The following OPCML variants were observed in gnomAD, a reference collection of about 807,000 sequenced individuals.
The protein encoded by OPCML is opioid-binding protein/cell adhesion molecule.
OPCML carries 13 observed loss-of-function variants against 37.8 expected under a neutral mutation model. The ratio of observed to expected loss-of-function variants is 0.34; its 90% confidence interval spans 0.22 to 0.55. The LOEUF (loss-of-function observed/expected upper bound fraction) is 0.55. Ranked by LOEUF, OPCML falls within the 20% of genes least tolerant of loss-of-function variation. OPCML has a pLI of 0.91. For synonymous variants in OPCML, 176 were observed against 168.8 expected (o/e 1.04, Z -0.33); for missense variants, 341 against 435.6 (o/e 0.78, Z 1.93).
At chr11:133,024,187 G>A (rs1251335719) in intron 1 of OPCML, among the ~76,000 whole-genome samples, 1 of 152,176 alleles carries the variant, frequency 6.6e-6, no homozygotes, top group African/African-American at 2.4e-5. Context: ...CTGTTTTCCT[G>A]GAGACAGCGA....
At chr11:133,438,416 C>T (rs926821603) in intron 1 of OPCML, among the ~76,000 whole-genome samples, 2 of 151,986 alleles carry the variant, frequency 1.3e-5, no homozygotes, top group South Asian at 2.1e-4. Context: ...AACAAGCAAA[C>T]AAAACCAGTA....
intron 2 of OPCML, among the ~76,000 whole-genome samples, chr11:132,779,534 T>A (rs1212678995): frequency 6.9e-6 from 1 of 145,524 alleles, no homozygotes; most frequent in Non-Finnish European, 1.5e-5. Flanking sequence ...TTTCAAGTTG[T>A]GAGTGATGAT....
chr11:132,434,380 G>A (rs2096006633), intron 7 of OPCML, among the ~76,000 whole-genome samples: 1 of 152,200 alleles, frequency 6.6e-6, no homozygotes, highest in Non-Finnish European at 1.5e-5. Flanking sequence ...AAGCAGAGCT[G>A]AGCAGCAGCT....
chr11:132,430,768 C>A (rs540318202), intron 7 of OPCML, among the ~76,000 whole-genome samples: 1 of 152,162 alleles, frequency 6.6e-6, no homozygotes, highest in Non-Finnish European at 1.5e-5. Flanking sequence ...TCCGTCTTGG[C>A]TTTGTTTGCG....
At chr11:133,140,528 TAATAAGAAGAAG>T (rs1330047108) in intron 1 of OPCML, among the ~76,000 whole-genome samples, 8 of 61,278 alleles carry the variant, frequency 1.3e-4, no homozygotes, top group Admixed American at 4.1e-4. Context: ...ATAATAATAA[TAATAAGAAGAAG>T]AAGAAGAAGA....
At chr11:133,065,493 T>C (rs10894646) in intron 1 of OPCML, 104,725 of 152,090 alleles carry the variant, frequency 0.69, 36,577 homozygotes, top group Admixed American at 0.81. Flanking sequence ...AACAAGCCGT[T>C]GTTACACGAT....
intron 1 of OPCML, among the ~76,000 whole-genome samples, chr11:133,291,970 G>A (rs535846934): frequency 2.6e-5 from 4 of 152,230 alleles, no homozygotes; most frequent in Admixed American, 2.6e-4. Context: ...GATTACACAA[G>A]AGAATGGCCT....
intron 1 of OPCML, among the ~76,000 whole-genome samples, chr11:133,222,889 A>T (rs1048475216): frequency 6.6e-6 from 1 of 152,160 alleles, no homozygotes; most frequent in Non-Finnish European, 1.5e-5. Context: ...ACGAAAGAGC[A>T]GGCTGGGAAG....
chr11:133,476,219 G>T (rs1160106430), intron 1 of OPCML, among the ~76,000 whole-genome samples: 1 of 152,164 alleles, frequency 6.6e-6, no homozygotes, highest in Non-Finnish European at 1.5e-5. Flanking sequence ...CTACTCCCTT[G>T]ATGGAACTAT....
chr11:133,237,472 G>A (rs1160563961), intron 1 of OPCML, among the ~76,000 whole-genome samples: 2 of 152,190 alleles, frequency 1.3e-5, no homozygotes, highest in African/African-American at 4.8e-5. Context: ...TGTGAGTTGA[G>A]GGAGGGAAAC....
chr11:133,153,055 A>C (rs1297280786), intron 1 of OPCML, among the ~76,000 whole-genome samples: 1 of 152,024 alleles, frequency 6.6e-6, no homozygotes, highest in Non-Finnish European at 1.5e-5. Flanking sequence ...TGGACCCTGG[A>C]AGGGGCACCG....
intron 2 of OPCML, among the ~76,000 whole-genome samples, chr11:132,938,183 T>C (rs1417302682): frequency 3.9e-5 from 6 of 152,146 alleles, no homozygotes; most frequent in Non-Finnish European, 7.3e-5. Flanking sequence ...CCAATACTTA[T>C]TTGTTGTAAT....
At chr11:133,094,055 C>G (rs1948958665) in intron 1 of OPCML, among the ~76,000 whole-genome samples, 1 of 151,872 alleles carries the variant, frequency 6.6e-6, no homozygotes, top group African/African-American at 2.4e-5. Flanking sequence ...AAATATCAGC[C>G]TTATTTTAAT....
chr11:132,952,802 C>T (rs1460804237), intron 1 of OPCML, among the ~76,000 whole-genome samples: 4 of 152,124 alleles, frequency 2.6e-5, no homozygotes, highest in Non-Finnish European at 1.5e-5. Context: ...GGGAAAGTGC[C>T]CTTCCCAGAG....
intron 2 of OPCML, among the ~76,000 whole-genome samples, chr11:132,914,344 G>A (rs188021963): frequency 8.5e-5 from 13 of 152,286 alleles, no homozygotes; most frequent in Admixed American, 6.5e-4. Context: ...ATGCAACTGA[G>A]TTTGCACATC....
At chr11:132,532,625 C>G (rs1469124189) in intron 3 of OPCML, among the ~76,000 whole-genome samples, 1 of 152,094 alleles carries the variant, frequency 6.6e-6, no homozygotes, top group Non-Finnish European at 1.5e-5. Flanking sequence ...GATCAATTCC[C>G]CAAACACAGT....
Position 132,482,214 on chromosome 11 carries a change from G to A in OPCML, c.506-44855C>T, listed in dbSNP as rs1333973156. ...AAAAAGAGAGAAGAATCAAATAGAC[G>A]CAATAAAAAATGATAAAGGGGATAT... is the stretch of plus-strand genomic sequence containing the variant. On this transcript the variant is annotated intron_variant, in intron 4 of 7. Coordinates refer to ENST00000524381, the MANE Select transcript of OPCML (RefSeq NM_001012393.5). 2.1e-3 allele frequency among the ~76,000 whole-genome samples: 326 copies of A among 151,670 alleles called. 1 individual carries two copies. Among genetic ancestry groups the A allele is most frequent in the Non-Finnish European group, 3.4e-3 (230 of 67,812 alleles).
At chr11:133,036,725 C>G (rs1394958387) in intron 1 of OPCML, among the ~76,000 whole-genome samples, 1 of 152,132 alleles carries the variant, frequency 6.6e-6, no homozygotes, top group African/African-American at 2.4e-5. Flanking sequence ...GAAAAATAAT[C>G]CAAGACTACA....
intron 3 of OPCML, among the ~76,000 whole-genome samples, chr11:132,642,162 G>A (rs1016801562): frequency 6.6e-6 from 1 of 152,078 alleles, no homozygotes; most frequent in Non-Finnish European, 1.5e-5. Context: ...AAGTAATATC[G>A]ATGCTGGGAT....
Sources: gnomAD v4.1 joint callset for allele counts (sites outside exome capture counted in the v4.1 genomes callset) on GRCh38, gnomAD v4.1.1 for gene constraint, MANE v1.5 for transcripts, NCBI Gene and HGNC (gene_info 2026-07-23, HGNC 2026-07-21) for gene names.